The following PHF20 variants were observed in gnomAD, a reference collection of about 807,000 sequenced individuals.
PHF20 encodes glioma-expressed antigen 2.
PHF20 carries 23 observed loss-of-function variants against 113.5 expected under a neutral mutation model. The ratio of observed to expected loss-of-function variants is 0.20; its 90% CI spans 0.15 to 0.29. PHF20 has a LOEUF of 0.29. Among genes scored for constraint, PHF20 ranks in the 10% least tolerant of loss-of-function variants. PHF20 has a pLI of 1.00. For missense variants in PHF20, 943 were observed against 1,219.6 expected (o/e 0.77, Z 3.38); for synonymous variants, 434 against 457.3 (o/e 0.95, Z 0.65).
At chr20:35,913,129 A>G (rs1053032142) in intron 10 of PHF20, 120 bp from the exon 11 acceptor site, 4 of 638,370 alleles carry the variant, frequency 6.3e-6, no homozygotes, top group Non-Finnish European at 1.1e-5. Flanking sequence ...GACTGGAGCA[A>G]TCTGCTCCAG....
chr20:35,938,943 T>C lies in PHF20; in HGVS notation c.2547T>C (p.Pro849=), dbSNP rs758806376. ...ACCAGAAGCCCCGCGCCTATTACCCTGCCGTGGAGCAGAAGCTGGTGGTGG... is the reference window on the plus strand; with the variant it reads ...ACCAGAAGCCCCGCGCCTATTACCCCGCCGTGGAGCAGAAGCTGGTGGTGG... ...HCYQKPRAYY[P]AVEQKLVVET... The change falls in exon 16 of 18, where the codon CCT becomes CCC. Residue 849 remains proline (P), a synonymous_variant. Transcript: ENST00000374012. 5.0e-6 allele frequency: 8 copies of C among 1,614,020 alleles called. No individual in the cohort carries two copies. The Admixed American group carries it at 1.3e-4, about 27-fold the overall frequency.
intron 9 of PHF20, among the ~76,000 whole-genome samples, chr20:35,876,569 C>T (rs2054526320): frequency 6.6e-6 from 1 of 151,776 alleles, no homozygotes; most frequent in East Asian, 1.9e-4. Context: ...GACTCTATCT[C>T]AAAAATAAAA....
chr20:35,778,431 A>G (rs1331707176), intron 1 of PHF20, among the ~76,000 whole-genome samples: 1 of 152,174 alleles, frequency 6.6e-6, no homozygotes, highest in Non-Finnish European at 1.5e-5. Context: ...ACTGCCCCTT[A>G]CAGGCTATTG....
At chr20:35,844,567 ACAC>A (rs2042589980) in intron 3 of PHF20, among the ~76,000 whole-genome samples, 1 of 150,302 alleles carries the variant, frequency 6.7e-6, no homozygotes, top group African/African-American at 2.4e-5. Context: ...ACACACACAC[ACAC>A]ACACACACAC....
At chr20:35,866,443 A>T (rs1157694857) in intron 6 of PHF20, among the ~76,000 whole-genome samples, 2 of 152,160 alleles carry the variant, frequency 1.3e-5, no homozygotes, top group African/African-American at 4.8e-5. Context: ...CTCTGTTCAG[A>T]TGGGGAACCC....
intron 16 of PHF20, 127 bp downstream of exon 16, chr20:35,939,235 A>G: frequency 8.4e-7 from 1 of 1,193,404 alleles, no homozygotes; most frequent in Non-Finnish European, 1.1e-6. Context: ...TACCATAGAT[A>G]TGTTTTGGTT....
Position 35,938,928 on chromosome 20 carries a change from C to A in PHF20, c.2532C>A (p.Pro844=), listed in dbSNP as rs1370307018. 6.2e-7 allele frequency: 1 copy of A among 1,614,230 alleles called. No homozygotes were observed. Among genetic ancestry groups the A allele is most frequent in the South Asian group, 1.1e-5 (1 of 91,088 alleles). ...YITSEHCYQK[P]RAYYPAVEQK... is the part of the protein sequence containing the mutation. ...CCAGTGAGCATTGCTACCAGAAGCC[C>A]CGCGCCTATTACCCTGCCGTGGAGC... Residue 844 remains proline (P), a synonymous_variant, in exon 16 of 18, where the codon CCC becomes CCA. Coordinates refer to ENST00000374012, the MANE Select transcript of PHF20 (RefSeq NM_016436.5).
chr20:35,869,381 ATGAC>A (rs2146986074), intron 6 of PHF20, 53 bp from the exon 7 acceptor site: 1 of 841,726 alleles, frequency 1.2e-6, no homozygotes. Context: ...ATATATAAAA[ATGAC>A]AGACACTAAG....
At chr20:35,849,735 C>T (rs935411109) in intron 4 of PHF20, among the ~76,000 whole-genome samples, 4 of 151,762 alleles carry the variant, frequency 2.6e-5, no homozygotes, top group Non-Finnish European at 4.4e-5. Context: ...AATGGCCCTG[C>T]GAGGAGAAGC....
At chr20:35,872,599 T>C (rs1289633136) in intron 9 of PHF20, among the ~76,000 whole-genome samples, 1 of 152,186 alleles carries the variant, frequency 6.6e-6, no homozygotes, top group Non-Finnish European at 1.5e-5. Context: ...TTTTGATACG[T>C]TGTGTTTTTA....
At chr20:35,836,844 CA>C (rs36116121) in intron 2 of PHF20, among the ~76,000 whole-genome samples, 13,760 of 70,766 alleles carry the variant, frequency 0.19, 529 homozygotes, top group Middle Eastern at 0.3. Context: ...GACTCCGTCT[CA>C]AAAAAAAAAA....
intron 12 of PHF20, among the ~76,000 whole-genome samples, chr20:35,915,572 A>G (rs1374027318): frequency 6.6e-6 from 1 of 151,764 alleles, no homozygotes; most frequent in Non-Finnish European, 1.5e-5. Flanking sequence ...TTTTTAGTAT[A>G]CACAGGGTTT....
At chr20:35,925,867 A>T (rs2055619248) in intron 13 of PHF20, among the ~76,000 whole-genome samples, 1 of 151,934 alleles carries the variant, frequency 6.6e-6, no homozygotes, top group African/African-American at 2.4e-5. Context: ...TCATGCCTAT[A>T]ATCCCAGCAC....
chr20:35,848,503 G>A (rs1032470798), intron 4 of PHF20, among the ~76,000 whole-genome samples: 6 of 151,944 alleles, frequency 3.9e-5, no homozygotes, highest in Non-Finnish European at 7.4e-5. Context: ...CACCCACCTC[G>A]GCCTCCCAAA....
At chr20:35,830,451 G>A (rs1188130657) in intron 2 of PHF20, among the ~76,000 whole-genome samples, 2 of 152,130 alleles carry the variant, frequency 1.3e-5, no homozygotes, top group Non-Finnish European at 2.9e-5. Flanking sequence ...CCTTTTTAAG[G>A]CTGAATAATA....
chr20:35,870,594 C>A (rs537497540), intron 7 of PHF20, among the ~76,000 whole-genome samples: 1 of 139,148 alleles, frequency 7.2e-6, no homozygotes, highest in Non-Finnish European at 1.6e-5. Context: ...ATCCTGTTGG[C>A]TCCAAAAAGG....
At chr20:35,947,031 T>C (rs1326031338) in intron 17 of PHF20, among the ~76,000 whole-genome samples, 1 of 152,178 alleles carries the variant, frequency 6.6e-6, no homozygotes, top group East Asian at 1.9e-4. Context: ...AAAGAGTGAG[T>C]GGTAACACTC....
At chr20:35,849,525 A>G (rs1224837857) in intron 4 of PHF20, 7 of 469,692 alleles carry the variant, frequency 1.5e-5, no homozygotes, top group South Asian at 9.3e-5. Context: ...TGTGTGTGGG[A>G]TGGATCAGAA....
chr20:35,901,993 G>C (rs2055106787), intron 10 of PHF20, among the ~76,000 whole-genome samples: 1 of 138,968 alleles, frequency 7.2e-6, no homozygotes, highest in Admixed American at 7.3e-5. Context: ...TAGTTTGTGA[G>C]CTAATCTTTT....
Sources: allele counts gnomAD v4.1 joint callset (sites outside exome capture counted in the v4.1 genomes callset), GRCh38; gene constraint gnomAD v4.1.1; transcripts MANE v1.5; gene names NCBI Gene and HGNC (gene_info 2026-07-23, HGNC 2026-07-21).